The following FAM227B variants were observed in gnomAD, a reference collection of about 807,000 sequenced individuals.
FAM227B encodes protein FAM227B.
FAM227B carries 88 observed loss-of-function variants against 73.8 expected under a neutral mutation model. That is an observed-to-expected ratio of 1.19 (90% CI 1.00 to 1.42). The LOEUF (loss-of-function observed/expected upper bound fraction) is 1.42. Among genes scored for constraint, FAM227B ranks in the 40% most tolerant of loss-of-function variants. The pLI is 0.00. For synonymous variants in FAM227B, 210 were observed against 190.5 expected (o/e 1.10, Z -0.84); for missense variants, 632 against 590.9 (o/e 1.07, Z -0.72).
At chr15:49,510,478 C>A (rs1452458589) in intron 10 of FAM227B, among the ~76,000 whole-genome samples, 1 of 152,152 alleles carries the variant, frequency 6.6e-6, no homozygotes, top group Non-Finnish European at 1.5e-5. Context: ...GCTCCCCCCA[C>A]TATTGTCTAA....
intron 11 of FAM227B, among the ~76,000 whole-genome samples, chr15:49,372,223 A>AATAAATGAAATAAAATTCACTT (rs2045891089): frequency 2.7e-5 from 4 of 150,408 alleles, no homozygotes; most frequent in African/African-American, 9.7e-5. Flanking sequence ...TTCACTTATA[A>AATAAATGAAATAAAATTCACTT]ATAAATGAAA....
At chr15:49,502,480 T>G (rs1292493467) in intron 11 of FAM227B, among the ~76,000 whole-genome samples, 1 of 152,272 alleles carries the variant, frequency 6.6e-6, no homozygotes, top group Non-Finnish European at 1.5e-5. Flanking sequence ...AGGTTTGAAC[T>G]TGCATTGGGC....
chr15:49,495,146 C>A (rs2057484276), intron 11 of FAM227B, among the ~76,000 whole-genome samples: 1 of 152,010 alleles, frequency 6.6e-6, no homozygotes, highest in Non-Finnish European at 1.5e-5. Flanking sequence ...AAACCCAGCC[C>A]CTCTGACTAA....
chr15:49,465,955 G>T (rs975083766), intron 11 of FAM227B, among the ~76,000 whole-genome samples: 2 of 152,164 alleles, frequency 1.3e-5, no homozygotes, highest in Non-Finnish European at 2.9e-5. Context: ...AGTACTGGGG[G>T]TTAGCTGAAG....
At chr15:49,511,107 TTTTGAAGTAATTC>T (rs558940053) in intron 10 of FAM227B, among the ~76,000 whole-genome samples, 346 of 152,232 alleles carry the variant, frequency 2.3e-3, no homozygotes, top group African/African-American at 7.8e-3. Context: ...ATGGAAAACT[TTTTGAAGTAATTC>T]TTTGATTATT....
At chr15:49,400,865 G>C (rs1224431337) in intron 11 of FAM227B, among the ~76,000 whole-genome samples, 3 of 151,128 alleles carry the variant, frequency 2.0e-5, no homozygotes, top group South Asian at 4.2e-4. Context: ...ATGGATTAAA[G>C]ACTTAAACGT....
chr15:49,578,747 T>A (rs1445133437), intron 5 of FAM227B, among the ~76,000 whole-genome samples: 1 of 152,030 alleles, frequency 6.6e-6, no homozygotes, highest in South Asian at 2.1e-4. Flanking sequence ...TCAAATATGA[T>A]TGGAAAGAAG....
intron 13 of FAM227B, chr15:49,365,280 C>T: frequency 2.0e-6 from 3 of 1,478,568 alleles, no homozygotes; most frequent in Non-Finnish European, 2.8e-6. Flanking sequence ...GTGCAAGTTA[C>T]TAAATAGAGG....
At chr15:49,384,998 C>G (rs2046791743) in intron 11 of FAM227B, among the ~76,000 whole-genome samples, 1 of 151,874 alleles carries the variant, frequency 6.6e-6, no homozygotes. Flanking sequence ...AATGGCCCAC[C>G]AATGGCAGAG....
chr15:49,559,572 A>G (rs552016526), intron 9 of FAM227B, among the ~76,000 whole-genome samples: 8 of 152,202 alleles, frequency 5.3e-5, no homozygotes, highest in African/African-American at 9.6e-5. Flanking sequence ...CCAAAACACC[A>G]TAAGTCAACA....
At chr15:49,435,558 T>C (rs537916587) in intron 11 of FAM227B, among the ~76,000 whole-genome samples, 1 of 151,706 alleles carries the variant, frequency 6.6e-6, no homozygotes, top group South Asian at 2.1e-4. Context: ...TAATGTGTTA[T>C]AAAATAATGT....
At chr15:49,499,860 A>T (rs1348442865) in intron 11 of FAM227B, among the ~76,000 whole-genome samples, 1 of 152,188 alleles carries the variant, frequency 6.6e-6, no homozygotes, top group Admixed American at 6.5e-5. Flanking sequence ...ACTCAAAATG[A>T]ATTAGAGACC....
At chr15:49,561,168 T>C (rs1488961420) in intron 9 of FAM227B, among the ~76,000 whole-genome samples, 1 of 151,990 alleles carries the variant, frequency 6.6e-6, no homozygotes, top group African/African-American at 2.4e-5. Context: ...AGTCTCAGGG[T>C]TGGAGAAAGA....
rs1051660749 is a variant in FAM227B, at chr15:49,476,282, T to C, written c.1012+31929A>G. ...ATACTGCCAGGTATCACTTATTTTA[T>C]TTTTTCTGTGGAAAAAGAAAATACT... On this transcript the variant is annotated intron_variant, in intron 11 of 15. Coordinates refer to ENST00000299338, the MANE Select transcript of FAM227B (RefSeq NM_152647.3). Among the ~76,000 whole-genome samples, 3 of 151,026 alleles carry C rather than the reference T, an allele frequency of 2.0e-5. 1 individual carries two copies. Among genetic ancestry groups the C allele is most frequent in the African/African-American group, 7.3e-5 (3 of 41,326 alleles).
At chr15:49,409,342 T>G (rs2048724805) in intron 11 of FAM227B, among the ~76,000 whole-genome samples, 1 of 152,120 alleles carries the variant, frequency 6.6e-6, no homozygotes, top group Non-Finnish European at 1.5e-5. Flanking sequence ...GGCTAAAGGC[T>G]CAGGCTTCAG....
chr15:49,414,324 G>A lies in FAM227B; in HGVS notation c.1013-42925C>T, dbSNP rs181229552. Among the ~76,000 whole-genome samples, 337 of 151,520 alleles carry A rather than the reference G, an allele frequency of 2.2e-3. 1 individual carries two copies. Among genetic ancestry groups the A allele is most frequent in the Admixed American group, 5.2e-3 (79 of 15,208 alleles). On this transcript the variant is annotated intron_variant, in intron 11 of 15. Transcript: ENST00000299338. ...AGAGATGGGGAGATAGGGAGAGAAG[G>A]TAGAGAGGGAGAGAATTTGTAAGGG...
At chr15:49,428,386 C>T (rs1442070070) in intron 11 of FAM227B, among the ~76,000 whole-genome samples, 4 of 151,914 alleles carry the variant, frequency 2.6e-5, no homozygotes, top group African/African-American at 9.7e-5. Flanking sequence ...ATTTTCTCTG[C>T]AGAAGAAGAA....
intron 3 of FAM227B, 48 bp downstream of exon 3, chr15:49,611,159 CATAACTGA>C: frequency 9.4e-7 from 1 of 1,062,988 alleles, no homozygotes; most frequent in Non-Finnish European, 1.4e-6. Context: ...TCTAAATCTC[CATAACTGA>C]TATTTTAAAA....
chr15:49,332,662 C>G (rs117275457), intron 14 of FAM227B, among the ~76,000 whole-genome samples: 2 of 152,206 alleles, frequency 1.3e-5, no homozygotes, highest in Non-Finnish European at 2.9e-5. Context: ...CTATTAATTT[C>G]ACTGGCAATT....
Sources: allele counts gnomAD v4.1 joint callset (sites outside exome capture counted in the v4.1 genomes callset), GRCh38; gene constraint gnomAD v4.1.1; transcripts MANE v1.5; gene names NCBI Gene and HGNC (gene_info 2026-07-23, HGNC 2026-07-21).